Variants in HEXIM2 observed in about 807,000 individuals in gnomAD.
The protein encoded by HEXIM2 is protein HEXIM2.
For synonymous variants in HEXIM2, 159 were observed against 162.7 expected, an observed-to-expected ratio of 0.98 and a Z score of 0.17; for missense variants, 413 against 390.8, an observed-to-expected ratio of 1.06 and a Z score of -0.48.
upstream of HEXIM2, chr17:45,160,636 C>T (rs1332683031): frequency 6.8e-6 from 2 of 296,062 alleles, no homozygotes; most frequent in Admixed American, 8.2e-5. Flanking sequence ...GACTTTGTGC[C>T]CCAACCCTGT....
rs141737517 is a variant in HEXIM2 at position 45,169,274 on chromosome 17, G to A, written c.326G>A (p.Ser109Asn). Residue 109 changes from serine to asparagine, a missense_variant, in exon 4 of 4, where the codon AGC (serine) becomes AAC (asparagine). Physicochemically the swap from Ser to Asn is conservative, Grantham distance 46 (BLOSUM62 1). Transcript: ENST00000589230. ...CACTGGCGACCCTACCTGGAGCTGA[G>A]CTGGGCTGAGAAACAACAGCGGGAT... The part of the protein sequence containing the change: ...KRHWRPYLEL[S>N]WAEKQQRDER... 9.9e-5 allele frequency: 160 copies of A among 1,613,712 alleles called. No individual in the cohort carries two copies. Among genetic ancestry groups the A allele is most frequent in the Non-Finnish European group, 1.3e-4 (148 of 1,180,034 alleles).
intron 1 of HEXIM2, 48 bp from the exon 2 acceptor site, chr17:45,162,440 C>G (rs1234777006): frequency 9.2e-7 from 1 of 1,092,336 alleles, no homozygotes; most frequent in East Asian, 7.2e-5. Context: ...GGAAACAAAA[C>G]TTACACCTGG....
upstream of HEXIM2, chr17:45,160,899 T>G: frequency 7.8e-7 from 1 of 1,289,288 alleles, no homozygotes; most frequent in Non-Finnish European, 1.0e-6. Context: ...AGGGTCGTGG[T>G]TTTTCGCAAC....
chr17:45,162,931 T>A, intron 3 of HEXIM2, 72 bp downstream of exon 3: 2 of 1,017,062 alleles, frequency 2.0e-6, no homozygotes, highest in South Asian at 2.6e-5. Context: ...AAACTTCTTG[T>A]CCCAGATGTG....
chr17:45,163,325 CAA>C (rs11423159), intron 3 of HEXIM2, among the ~76,000 whole-genome samples: 3 of 78,786 alleles, frequency 3.8e-5, no homozygotes, highest in African/African-American at 5.1e-5. Flanking sequence ...GACTCCGTCT[CAA>C]AAAAAAAAAA....
rs777629298 is a variant in HEXIM2, at chr17:45,169,029, G to C, written c.81G>C (p.Pro27=). ...ALEEAKTSGA[P]GSPQTPPERH... Reference sequence around the variant, plus strand: ...CCTCTCTTTAGACCTCTGGTGCCCCGGGGAGCCCCCAAACACCCCCTGAGC... The same window carrying C: ...CCTCTCTTTAGACCTCTGGTGCCCCCGGGAGCCCCCAAACACCCCCTGAGC... Residue 27 remains proline (P), a synonymous_variant, in exon 4 of 4, where the codon CCG becomes CCC. Coordinates refer to ENST00000589230, the MANE Select transcript of HEXIM2 (RefSeq NM_001303441.2). The C allele has an allele frequency of 1.2e-5, 19 of 1,609,944 alleles. No individual in the cohort carries two copies. Among genetic ancestry groups the C allele is most frequent in the Non-Finnish European group, 1.5e-5 (18 of 1,177,686 alleles).
At position 45,169,827 on chromosome 17, in the gene HEXIM2, G is replaced by A; in HGVS notation, c.*18G>A. 3.5e-6 allele frequency: 5 copies of A among 1,427,564 alleles called. No homozygotes were observed. In the South Asian group the frequency reaches 7.5e-5, roughly 22 times the overall value. The allele number at this position is 1,427,564 out of a possible 1,614,324, so 88.4% of individuals were successfully genotyped here. A position where few individuals can be genotyped will look rare whatever the true frequency, so the allele number is the denominator to read the frequency against. On this transcript the variant is annotated 3_prime_UTR_variant, in exon 4 of 4. Coordinates refer to ENST00000589230, the MANE Select transcript of HEXIM2 (RefSeq NM_001303441.2). ...GTACCTAGGGGTGCCTCCCAGCCTG[G>A]TGGACCCAAGGAGAAGGTCCCATTT... is the stretch of plus-strand genomic sequence containing the variant.
In HEXIM2 at chr17:45,162,859, G is replaced by A; in HGVS notation, c.66G>A (p.Lys22=). 1 of 1,606,440 alleles carries A rather than the reference G, an allele frequency of 6.2e-7. No homozygotes were observed. Among genetic ancestry groups the A allele is most frequent in the African/African-American group, 1.3e-5 (1 of 74,894 alleles). ...AESPVALEEA[K]TSGAPGSPQT... ...CACCAGTGGCCCTGGAGGAGGCCAA[G>A]GTAAGTCCCTGCCCTCCTGCCCACC... Residue 22 remains lysine, a splice_region_variant and synonymous_variant, in exon 3 of 4, where the codon AAG becomes AAA. Transcript: ENST00000589230.
chr17:45,164,960 A>C (rs1338306844), intron 3 of HEXIM2, among the ~76,000 whole-genome samples: 1 of 152,164 alleles, frequency 6.6e-6, no homozygotes, highest in African/African-American at 2.4e-5. Flanking sequence ...CACACAGCTT[A>C]TCTACAGTAG....
chr17:45,169,728 G>A lies in HEXIM2; in HGVS notation c.780G>A (p.Arg260=). 1.3e-6 allele frequency: 2 copies of A among 1,502,312 alleles called. No individual in the cohort carries two copies. Among genetic ancestry groups the A allele is most frequent in the Non-Finnish European group, 8.9e-7 (1 of 1,124,428 alleles). The allele number at this position is 1,502,312 out of a possible 1,614,324, so 93.1% of individuals were successfully genotyped here. A position where few individuals can be genotyped will look rare whatever the true frequency, so the allele number is the denominator to read the frequency against. Residue 260 remains arginine, a synonymous_variant, in exon 4 of 4, where the codon CGG becomes CGA. Coordinates refer to ENST00000589230, the MANE Select transcript of HEXIM2 (RefSeq NM_001303441.2). ...TGGCTGCCGAGGTCCAGAGGCTCCG[G>A]ACCGAAAACCAGCGGCTTCGTCAGG... The part of the protein sequence containing the change: ...EELAAEVQRL[R]TENQRLRQEN...
Position 45,162,654 on chromosome 17 carries a change from C to CA in HEXIM2, c.-45+23dup. The CA allele has an allele frequency of 1.3e-6, 2 of 1,544,890 alleles. No homozygotes were observed. Among genetic ancestry groups the CA allele is most frequent in the Non-Finnish European group, 8.7e-7 (1 of 1,151,576 alleles). ...AATAAGGGTATGAAGGGCTGGGGTA[C>CA]AAAATGGCTGCCACTGCCTGGGCAA... On this transcript the variant is annotated intron_variant, in intron 2 of 3. Transcript: ENST00000589230.
upstream of HEXIM2, chr17:45,161,063 C>T (rs900497014): frequency 7.3e-5 from 55 of 753,368 alleles, no homozygotes; most frequent in Middle Eastern, 4.5e-4. Flanking sequence ...AATCTGGCGT[C>T]GCCCCCACCT....
intron 3 of HEXIM2, among the ~76,000 whole-genome samples, chr17:45,166,692 C>T (rs941349558): frequency 2.6e-5 from 4 of 152,032 alleles, no homozygotes; most frequent in African/African-American, 9.7e-5. Context: ...CAAGGAGGGG[C>T]TCCCTAAGGA....
intron 3 of HEXIM2, among the ~76,000 whole-genome samples, chr17:45,164,935 A>G (rs1254202269): frequency 6.6e-6 from 1 of 152,136 alleles, no homozygotes; most frequent in Non-Finnish European, 1.5e-5. Context: ...TCAGGGCTAC[A>G]ATGTTCAGCC....
In HEXIM2 at chr17:45,162,595, G is replaced by T; in HGVS notation, c.-85G>T. On this transcript the variant is annotated 5_prime_UTR_variant, in exon 2 of 4. Transcript: ENST00000589230. ...TTGCTGGCTGGAGGTGTGAAAACCAGCGGTGGAGGCAGCCTTCGGGGCCTG... is the reference window on the plus strand; with the variant it reads ...TTGCTGGCTGGAGGTGTGAAAACCATCGGTGGAGGCAGCCTTCGGGGCCTG... 3 of 1,415,918 alleles carry T rather than the reference G, an allele frequency of 2.1e-6. No individual in the cohort carries two copies. The highest frequency in any genetic ancestry group is 2.8e-6 in the Non-Finnish European group (3 of 1,085,638). The allele number at this position is 1,415,918 out of a possible 1,614,324, so 87.7% of individuals were successfully genotyped here.
rs993561530 is a variant in HEXIM2, at chr17:45,169,822, G to T, written c.*13G>T. 1.4e-6 allele frequency: 2 copies of T among 1,429,856 alleles called. No homozygotes were observed. The highest frequency in any genetic ancestry group is 1.8e-6 in the Non-Finnish European group (2 of 1,094,778). The allele number at this position is 1,429,856 out of a possible 1,614,324, so 88.6% of individuals were successfully genotyped here. ...GCCGGGTACCTAGGGGTGCCTCCCA[G>T]CCTGGTGGACCCAAGGAGAAGGTCC... On this transcript the variant is annotated 3_prime_UTR_variant, in exon 4 of 4. Transcript: ENST00000589230.
At chr17:45,167,281 G>T (rs2042880382) in intron 3 of HEXIM2, among the ~76,000 whole-genome samples, 1 of 151,798 alleles carries the variant, frequency 6.6e-6, no homozygotes, top group South Asian at 2.1e-4. Context: ...AGCTGAGATG[G>T]CAACACTGCA....
upstream of HEXIM2, chr17:45,160,779 C>A: frequency 1.8e-6 from 1 of 542,828 alleles, no homozygotes; most frequent in South Asian, 1.5e-5. Flanking sequence ...TGGGAGAGAT[C>A]TTGAGGGCAA....
chr17:45,165,474 G>A (rs1050916013), intron 3 of HEXIM2, among the ~76,000 whole-genome samples: 15 of 152,082 alleles, frequency 9.9e-5, no homozygotes, highest in Admixed American at 7.2e-4. Flanking sequence ...CAGTGGTAGT[G>A]GTTATTATTA....
Sources: allele counts gnomAD v4.1 joint callset (sites outside exome capture counted in the v4.1 genomes callset), GRCh38; gene constraint gnomAD v4.1.1; transcripts MANE v1.5; gene names NCBI Gene and HGNC (gene_info 2026-07-23, HGNC 2026-07-21).